The following DLC1 variants were observed in gnomAD, a reference collection of about 807,000 sequenced individuals.
The protein encoded by DLC1 is rho GTPase-activating protein 7.
DLC1 carries 54 observed loss-of-function variants against 140.3 expected under a neutral mutation model. That is an observed-to-expected ratio of 0.38 (90% CI 0.31 to 0.48). DLC1 has a LOEUF of 0.48. Ranked by LOEUF, DLC1 falls within the 20% of genes least tolerant of loss-of-function variation. The pLI is 0.96. For synonymous variants in DLC1, 986 were observed against 728.1 expected (o/e 1.35, Z -5.70); for missense variants, 2,536 against 1,907.0 (o/e 1.33, Z -6.14).
chr8:13,196,131 T>TACACAC, intron 5 of DLC1, among the ~76,000 whole-genome samples: 1 of 105,914 alleles, frequency 9.4e-6, no homozygotes. Context: ...CACACACACG[T>TACACAC]GAACTCGAAG....
intron 4 of DLC1, among the ~76,000 whole-genome samples, chr8:13,390,767 C>G (rs919644458): frequency 6.6e-6 from 1 of 152,098 alleles, no homozygotes; most frequent in African/African-American, 2.4e-5. Context: ...GCGGGTGGAT[C>G]ATGAGGTTAG....
intron 1 of DLC1, among the ~76,000 whole-genome samples, chr8:13,531,035 G>T (rs1377448992): frequency 6.6e-6 from 1 of 152,104 alleles, no homozygotes; most frequent in Non-Finnish European, 1.5e-5. Context: ...AGGCTTAGTG[G>T]CTTCATATGA....
chr8:13,442,401 A>C (rs567828199), intron 2 of DLC1, among the ~76,000 whole-genome samples: 26 of 152,336 alleles, frequency 1.7e-4, no homozygotes, highest in African/African-American at 6.0e-4. Context: ...AGAAACTACC[A>C]TCACAGTGAA....
intron 5 of DLC1, among the ~76,000 whole-genome samples, chr8:13,268,935 C>A (rs1207188617): frequency 7.1e-6 from 1 of 140,104 alleles, no homozygotes; most frequent in Non-Finnish European, 1.5e-5. Flanking sequence ...AGTGCAGTGG[C>A]GTGATCTCGG....
Position 13,292,820 on chromosome 8 carries a change from T to A in DLC1, c.1348+12449A>T, listed in dbSNP as rs1044652115. Among the ~76,000 whole-genome samples the A allele has an allele frequency of 1.6e-4, 25 of 152,376 alleles. 1 individual carries two copies. In the East Asian group the frequency reaches 3.3e-3, roughly 20 times the overall value. On this transcript the variant is annotated intron_variant, in intron 5 of 17. Transcript: ENST00000276297. ...ATTTTTTTGTTTTTATATGCTTTTT[T>A]AAATAAATGTTTATTTAAACATGAG...
chr8:13,493,830 T>C (rs1801375971), intron 2 of DLC1, among the ~76,000 whole-genome samples: 1 of 152,184 alleles, frequency 6.6e-6, no homozygotes. Context: ...CTCCCCTTGT[T>C]ACAAGTCTCC....
At chr8:13,418,389 G>T (rs1838167637) in intron 2 of DLC1, among the ~76,000 whole-genome samples, 1 of 152,130 alleles carries the variant, frequency 6.6e-6, no homozygotes, top group Non-Finnish European at 1.5e-5. Context: ...ATTAATTTTT[G>T]TATAAGGTGT....
rs144889527 is a variant in DLC1 at position 13,388,050 on chromosome 8, A to C, written c.1314+5503T>G. ...AAAACCATGCATACATAAATTATGC[A>C]TACATAATTTAAAATATAATTTTAC... On this transcript the variant is annotated intron_variant, in intron 4 of 17. Transcript: ENST00000276297. Among the ~76,000 whole-genome samples, 3 of 152,156 alleles carry C rather than the reference A, an allele frequency of 2.0e-5. No homozygotes were observed. In the East Asian group the frequency reaches 5.8e-4, roughly 29 times the overall value.
intron 5 of DLC1, among the ~76,000 whole-genome samples, chr8:13,133,730 T>A (rs1265122244): frequency 2.0e-5 from 3 of 151,962 alleles, no homozygotes; most frequent in African/African-American, 7.3e-5. Flanking sequence ...GAGCGTCCCT[T>A]CTTTTTCTTG....
intron 5 of DLC1, among the ~76,000 whole-genome samples, chr8:13,267,935 T>C (rs1409636519): frequency 3.3e-5 from 5 of 152,214 alleles, no homozygotes; most frequent in African/African-American, 1.2e-4. Context: ...TTTGATTGTC[T>C]AGAAGTTGAT....
intron 5 of DLC1, among the ~76,000 whole-genome samples, chr8:13,171,329 GAC>G (rs1219001752): frequency 1.3e-5 from 2 of 152,122 alleles, no homozygotes; most frequent in East Asian, 3.9e-4. Context: ...AATTCTAATA[GAC>G]ACAGAGTCAC....
At chr8:13,577,677 C>T (rs993343622) in intron 1 of DLC1, among the ~76,000 whole-genome samples, 1 of 152,016 alleles carries the variant, frequency 6.6e-6, no homozygotes, top group Non-Finnish European at 1.5e-5. Context: ...TTTTTCATTC[C>T]TGATTGAGTC....
Position 13,354,711 on chromosome 8 carries a change from G to A in DLC1, c.1314+38842C>T, listed in dbSNP as rs1440342255. 6.0e-5 allele frequency among the ~76,000 whole-genome samples: 9 copies of A among 150,956 alleles called. No individual in the cohort carries two copies. The South Asian group carries it at 8.4e-4, about 14-fold the overall frequency. ...TGTAATCCCAGCACTTTGGGAGGCC[G>A]AAGTGGGTGGATTGCTTGAGCACAG... On this transcript the variant is annotated intron_variant, in intron 4 of 17. Coordinates refer to ENST00000276297, the MANE Select transcript of DLC1 (RefSeq NM_182643.3).
At chr8:13,158,069 T>C (rs1239671657) in intron 5 of DLC1, among the ~76,000 whole-genome samples, 1 of 152,218 alleles carries the variant, frequency 6.6e-6, no homozygotes. Context: ...CTTCAGATAT[T>C]TCAATGAGAG....
chr8:13,542,487 GT>G (rs1301174249), intron 1 of DLC1, among the ~76,000 whole-genome samples: 2 of 151,484 alleles, frequency 1.3e-5, no homozygotes, highest in South Asian at 4.2e-4. Flanking sequence ...TCCAAAAATT[GT>G]TTTGGCTAAT....
chr8:13,360,176 A>G (rs1835155743), intron 4 of DLC1, among the ~76,000 whole-genome samples: 1 of 152,122 alleles, frequency 6.6e-6, no homozygotes, highest in Admixed American at 6.5e-5. Context: ...TAAAATGAAG[A>G]TAATACCTGC....
At chr8:13,331,916 G>T (rs73216395) in intron 4 of DLC1, among the ~76,000 whole-genome samples, 2 of 151,978 alleles carry the variant, frequency 1.3e-5, no homozygotes, top group African/African-American at 4.8e-5. Flanking sequence ...TTTCCTAGAC[G>T]CTTTCTTGAC....
At chr8:13,328,319 A>G (rs12680283) in intron 4 of DLC1, among the ~76,000 whole-genome samples, 46,435 of 152,032 alleles carry the variant, frequency 0.31, 7,965 homozygotes, top group Middle Eastern at 0.4. Flanking sequence ...CTGGGCTGCT[A>G]GTGATGAATA....
intron 5 of DLC1, among the ~76,000 whole-genome samples, chr8:13,148,661 TTTG>T (rs201284340): frequency 0.044 from 6,768 of 152,120 alleles, 184 homozygotes; most frequent in African/African-American, 0.078. Context: ...GAGGGTTGTT[TTTG>T]TTGTTGTTGT....
Sources: allele counts gnomAD v4.1 joint callset (sites outside exome capture counted in the v4.1 genomes callset), GRCh38; gene constraint gnomAD v4.1.1; transcripts MANE v1.5; gene names NCBI Gene and HGNC (gene_info 2026-07-23, HGNC 2026-07-21).